The following CCDC92 variants were observed in gnomAD, a reference collection of about 807,000 sequenced individuals.
The protein encoded by CCDC92 is coiled-coil domain-containing protein 92.
CCDC92 carries 12 observed loss-of-function variants against 24.9 expected under a neutral mutation model. The ratio of observed to expected loss-of-function variants is 0.48; its 90% confidence interval spans 0.31 to 0.78. CCDC92 has a LOEUF of 0.78. Ranked by LOEUF, CCDC92 falls within the 30% of genes least tolerant of loss-of-function variation. The probability of loss-of-function intolerance (pLI) is 0.05; values close to 1 mark genes in which losing one functional copy is unlikely to be tolerated. For missense variants in CCDC92, 399 were observed against 439.4 expected (o/e 0.91, Z 0.82); for synonymous variants, 193 against 196.3 (o/e 0.98, Z 0.14).
chr12:123,956,914 T>A (rs975736114), intron 1 of CCDC92, among the ~76,000 whole-genome samples: 14 of 152,242 alleles, frequency 9.2e-5, no homozygotes, highest in African/African-American at 3.4e-4. Flanking sequence ...AATCACTACA[T>A]CTGATATTCA....
Position 123,950,075 on chromosome 12 carries a change from C to T in CCDC92, c.-59-5711G>A, listed in dbSNP as rs566877493. On this transcript the variant is annotated intron_variant, in intron 1 of 4. Coordinates refer to ENST00000238156, the MANE Select transcript of CCDC92 (RefSeq NM_025140.3). ...CCTCTGGGGAAAAGAGGACACTATC[C>T]CATGAAAAGAGAGAACATAAACCAA... is the stretch of plus-strand genomic sequence containing the variant. 2.6e-5 allele frequency among the ~76,000 whole-genome samples: 4 copies of T among 152,332 alleles called. No individual in the cohort carries two copies. The East Asian group carries it at 5.8e-4, about 22-fold the overall frequency.
Position 123,937,580 on chromosome 12 carries a change from CAGGT to C in CCDC92, c.470_473del (p.Tyr157Ter). The C allele has an allele frequency of 6.2e-7, 1 of 1,613,316 alleles. No individual in the cohort carries two copies. ...TCTTGGCGGCGTGCAGCTGGGAGGTCAGGTAGGCGATGGTGCTGGCCCGCTGCTC... is the reference window on the plus strand; with the variant it reads ...TCTTGGCGGCGTGCAGCTGGGAGGTCAGGCGATGGTGCTGGCCCGCTGCTC... On this transcript the variant is annotated frameshift_variant, in exon 5 of 5. Transcript: ENST00000238156. LOFTEE classifies it high-confidence loss of function. This position sits in a 1 kb window ranked among gnomAD's most constrained non-coding sequence, Gnocchi z 8.4.
At position 123,937,093 on chromosome 12, in the gene CCDC92, C is replaced by A; in HGVS notation, c.961G>T (p.Val321Leu). The A allele has an allele frequency of 6.2e-7, 1 of 1,613,986 alleles. No individual in the cohort carries two copies. The highest frequency in any genetic ancestry group is 1.1e-5 in the South Asian group (1 of 91,086). Residue 321 changes from valine to leucine, a missense_variant, in exon 5 of 5, where the codon GTG becomes TTG. Transcript: ENST00000238156. This position sits in a 1 kb window ranked among gnomAD's most constrained non-coding sequence, Gnocchi z 8.4. ...CTGTCCGTCCCTGAGTGCTTCCTCACCACCTTGCCTCCGTTCACCTGGTCG... is the reference window on the plus strand; with the variant it reads ...CTGTCCGTCCCTGAGTGCTTCCTCAACACCTTGCCTCCGTTCACCTGGTCG... ...AVDQVNGGKVVRKHSGTDRTV is the reference protein window; with the variant it reads ...AVDQVNGGKVLRKHSGTDRTV
At chr12:123,952,762 G>A (rs1317236320) in intron 1 of CCDC92, among the ~76,000 whole-genome samples, 1 of 152,238 alleles carries the variant, frequency 6.6e-6, no homozygotes, top group Non-Finnish European at 1.5e-5. Flanking sequence ...GGTAAAAAGA[G>A]TAAACACGAT....
chr12:123,944,610 G>A (rs1021575779), intron 1 of CCDC92: 5 of 328,038 alleles, frequency 1.5e-5, no homozygotes, highest in Admixed American at 1.5e-4. Flanking sequence ...TACGACCAGT[G>A]ACATGCATGC....
chr12:123,963,143 A>G (rs1437078043), intron 1 of CCDC92, among the ~76,000 whole-genome samples: 2 of 152,184 alleles, frequency 1.3e-5, no homozygotes, highest in East Asian at 3.9e-4. Context: ...CGCACAGGAC[A>G]GCCCCACAAC....
chr12:123,954,330 T>C (rs1956100289), intron 1 of CCDC92, among the ~76,000 whole-genome samples: 1 of 152,202 alleles, frequency 6.6e-6, no homozygotes, highest in African/African-American at 2.4e-5. Flanking sequence ...ATTCCTGTCA[T>C]TCTCTGACAT....
chr12:123,967,532 T>C (rs1267548472), intron 1 of CCDC92, among the ~76,000 whole-genome samples: 1 of 152,204 alleles, frequency 6.6e-6, no homozygotes, highest in Non-Finnish European at 1.5e-5. Flanking sequence ...AGAAAGGAGT[T>C]ACAAAAAGCC....
chr12:123,950,830 A>G (rs929790350), intron 1 of CCDC92, among the ~76,000 whole-genome samples: 21 of 152,276 alleles, frequency 1.4e-4, no homozygotes, highest in African/African-American at 4.8e-4. Flanking sequence ...TCCTGTGTGC[A>G]CATCCTCCTT....
chr12:123,957,728 TG>T (rs567702524), intron 1 of CCDC92, among the ~76,000 whole-genome samples: 3 of 61,122 alleles, frequency 4.9e-5, no homozygotes, highest in Non-Finnish European at 9.2e-5. Context: ...TTTTTTGAGA[TG>T]GGGGGGTCTC....
chr12:123,950,812 A>C (rs896223180), intron 1 of CCDC92, among the ~76,000 whole-genome samples: 2 of 152,196 alleles, frequency 1.3e-5, no homozygotes, highest in Admixed American at 1.3e-4. Flanking sequence ...CTTTTCCTTT[A>C]GTGTCTCTCC....
At position 123,945,434 on chromosome 12, in the gene CCDC92, G is replaced by T. The variant is rs564288257; in HGVS notation, c.-59-1070C>A. 6.6e-5 allele frequency: 10 copies of T among 152,368 alleles called. No individual in the cohort carries two copies. In the South Asian group the frequency reaches 1.7e-3, roughly 25 times the overall value. The allele number at this position is 152,368 out of a possible 1,614,324, so 9.4% of individuals were successfully genotyped here. A position where few individuals can be genotyped will look rare whatever the true frequency, so the allele number is the denominator to read the frequency against. On this transcript the variant is annotated intron_variant, in intron 1 of 4. Coordinates refer to ENST00000238156, the MANE Select transcript of CCDC92 (RefSeq NM_025140.3). ...ACTGTCTGCACAGCACGTGGTCTTGGGGGGCGCTGACCTTAACAAAGGAGC... is the reference window on the plus strand; with the variant it reads ...ACTGTCTGCACAGCACGTGGTCTTGTGGGGCGCTGACCTTAACAAAGGAGC...
intron 4 of CCDC92, among the ~76,000 whole-genome samples, chr12:123,942,034 TA>T (rs1418893955): frequency 2.0e-5 from 3 of 152,370 alleles, no homozygotes; most frequent in Admixed American, 1.3e-4. Context: ...CCCGACGTGA[TA>T]AACCCGTTTC....
intron 4 of CCDC92, among the ~76,000 whole-genome samples, chr12:123,938,476 T>C (rs1045568096): frequency 3.3e-5 from 5 of 152,156 alleles, no homozygotes; most frequent in Non-Finnish European, 7.4e-5. Context: ...CTCCTTTTGC[T>C]GTCCCTGGGT....
At chr12:123,946,079 G>A (rs560623449) in intron 1 of CCDC92, 2 of 16,714 alleles carry the variant, frequency 1.2e-4, no homozygotes, top group East Asian at 0.014. Flanking sequence ...CCGCTGCTGA[G>A]GCCGTCCTCA....
At chr12:123,944,770 G>A (rs1955795031) in intron 1 of CCDC92, 1 of 153,842 alleles carries the variant, frequency 6.5e-6, no homozygotes, top group African/African-American at 2.4e-5. Flanking sequence ...AATAAAACAC[G>A]ACGGAGCTCA....
intron 1 of CCDC92, among the ~76,000 whole-genome samples, chr12:123,947,900 G>A (rs1955920529): frequency 6.6e-6 from 1 of 152,186 alleles, no homozygotes; most frequent in Non-Finnish European, 1.5e-5. Flanking sequence ...TTTATGAGCT[G>A]TAACACTCAC....
chr12:123,944,864 G>A (rs1955798204), intron 1 of CCDC92: 1 of 151,910 alleles, frequency 6.6e-6, no homozygotes, highest in African/African-American at 2.4e-5. Context: ...GACAAAAACT[G>A]GCAGGAGAGG....
chr12:123,953,861 C>T (rs546125346), intron 1 of CCDC92, among the ~76,000 whole-genome samples: 54 of 152,236 alleles, frequency 3.5e-4, no homozygotes, highest in African/African-American at 1.1e-3. Context: ...GTGACTGAGG[C>T]AAGAGAATCG....
Sources: allele counts gnomAD v4.1 joint callset (sites outside exome capture counted in the v4.1 genomes callset), GRCh38; gene constraint gnomAD v4.1.1; non-coding constraint Gnocchi (gnomAD v3.1); transcripts MANE v1.5; gene names NCBI Gene and HGNC (gene_info 2026-07-23, HGNC 2026-07-21).